The following ERP44 variants were observed in gnomAD, a reference collection of about 807,000 sequenced individuals.
ERP44 encodes endoplasmic reticulum protein 44.
A neutral mutation model predicts 53.4 loss-of-function variants in ERP44; 25 were observed. That is an observed-to-expected ratio of 0.47 (90% CI 0.34 to 0.65). The LOEUF is 0.65. ERP44 is among the 30% of genes least tolerant of loss of function. ERP44 has a pLI of 0.01. For missense variants in ERP44, 338 were observed against 493.2 expected, an observed-to-expected ratio of 0.69 and a Z score of 2.98; for synonymous variants, 145 against 161.2, an observed-to-expected ratio of 0.90 and a Z score of 0.76.
At chr9:100,023,290 C>T (rs1458944662) in intron 4 of ERP44, among the ~76,000 whole-genome samples, 1 of 150,834 alleles carries the variant, frequency 6.6e-6, no homozygotes, top group Non-Finnish European at 1.5e-5. Context: ...GAGAGTGGTA[C>T]CATAAACAAG....
Position 100,018,311 on chromosome 9 carries a change from T to G in ERP44, c.590A>C (p.Asp197Ala). The G allele has an allele frequency of 6.3e-7, 1 of 1,595,612 alleles. No homozygotes were observed. Among genetic ancestry groups the G allele is most frequent in the South Asian group, 1.1e-5 (1 of 90,716 alleles). Reference protein sequence around the residue: ...DDCAFLSAFGDVSKPERYSGD... With the variant: ...DDCAFLSAFGAVSKPERYSGD... ...ACTATATCTTTCCGGTTTTGAAACATCCCTATAGGAAGGGAGAAATAGTAA... is the reference window on the plus strand; with the variant it reads ...ACTATATCTTTCCGGTTTTGAAACAGCCCTATAGGAAGGGAGAAATAGTAA... Residue 197 changes from aspartate (D) to alanine (A), a missense_variant and splice_region_variant, in exon 7 of 12, where the codon GAT (aspartate) becomes GCT (alanine). This residue lies in a region of ERP44 where 224 missense variants were observed against 301.4 expected (regional missense o/e 0.74). Transcript: ENST00000262455.
rs184275455 is a variant in ERP44 at position 99,979,761 on chromosome 9, G to A, written c.*2851C>T. 3.1e-4 allele frequency: 120 copies of A among 389,956 alleles called. 2 individuals are homozygous for A. Among genetic ancestry groups the A allele is most frequent in the East Asian group, 1.2e-3 (33 of 27,618 alleles). The allele number at this position is 389,956 out of a possible 1,614,324, so 24.2% of individuals were successfully genotyped here. On this transcript the variant is annotated 3_prime_UTR_variant, in exon 12 of 12. Transcript: ENST00000262455. ...AGGCCCCGAGTAGATCAGATAAACC[G>A]GGGAAGACTTCTACCTGAAATGGTC...
intron 10 of ERP44, among the ~76,000 whole-genome samples, chr9:99,997,784 T>C (rs1273987640): frequency 6.6e-6 from 1 of 152,150 alleles, no homozygotes; most frequent in Non-Finnish European, 1.5e-5. Flanking sequence ...TATATATTCC[T>C]ACCAGGACTA....
At chr9:99,986,076 G>A (rs1311911388) in intron 10 of ERP44, among the ~76,000 whole-genome samples, 1 of 152,154 alleles carries the variant, frequency 6.6e-6, no homozygotes, top group African/African-American at 2.4e-5. Flanking sequence ...ACCATACTGA[G>A]CTAAACAAAT....
rs929413699 is a variant in ERP44 at position 99,998,690 on chromosome 9, T to C, written c.1016+7816A>G. ...GCTGCTGTGTGACCTTAATCCTTAC[T>C]TCTCTGCAATTTTCTTCGGTTTATC... On this transcript the variant is annotated intron_variant, in intron 10 of 11. Coordinates refer to ENST00000262455, the MANE Select transcript of ERP44 (RefSeq NM_015051.3). The C allele has an allele frequency of 2.0e-5, 15 of 735,586 alleles. No individual in the cohort carries two copies. In the African/African-American group the frequency reaches 2.3e-4, roughly 11 times the overall value. The allele number at this position is 735,586 out of a possible 1,614,324, so 45.6% of individuals were successfully genotyped here. A position where few individuals can be genotyped will look rare whatever the true frequency, so the allele number is the denominator to read the frequency against.
At chr9:100,019,313 G>T (rs906926973) in intron 6 of ERP44, among the ~76,000 whole-genome samples, 1 of 152,118 alleles carries the variant, frequency 6.6e-6, no homozygotes, top group South Asian at 2.1e-4. Flanking sequence ...GGAGGCAGAC[G>T]TGGGAGGATC....
intron 1 of ERP44, among the ~76,000 whole-genome samples, chr9:100,062,592 C>T (rs1826163825): frequency 6.6e-6 from 1 of 152,184 alleles, no homozygotes; most frequent in South Asian, 2.1e-4. Context: ...GGCACAAATG[C>T]ATACGGCATG....
chr9:100,089,334 A>G (rs146322238), intron 1 of ERP44, among the ~76,000 whole-genome samples: 49 of 152,308 alleles, frequency 3.2e-4, no homozygotes, highest in Non-Finnish European at 5.6e-4. Flanking sequence ...TAATCCCAGC[A>G]CTTTGGAGGG....
chr9:100,022,275 G>T, intron 4 of ERP44, 49 bp from the exon 5 acceptor site: 2 of 1,445,064 alleles, frequency 1.4e-6, no homozygotes, highest in Non-Finnish European at 1.9e-6. Context: ...GTCAGGGCAA[G>T]CCTGTTTGCC....
At chr9:99,997,993 T>C (rs1233570786) in intron 10 of ERP44, among the ~76,000 whole-genome samples, 1 of 152,082 alleles carries the variant, frequency 6.6e-6, no homozygotes, top group East Asian at 1.9e-4. Context: ...ACTGATCCAA[T>C]ACTAACTTTC....
chr9:100,048,289 T>C (rs189354157), intron 4 of ERP44, among the ~76,000 whole-genome samples: 9 of 152,206 alleles, frequency 5.9e-5, no homozygotes, highest in Admixed American at 5.2e-4. Context: ...AACCTGCACG[T>C]TGTGCACATG....
intron 1 of ERP44, among the ~76,000 whole-genome samples, chr9:100,095,030 GACAA>G (rs1318915306): frequency 2.0e-5 from 3 of 150,550 alleles, no homozygotes; most frequent in Non-Finnish European, 4.4e-5. Flanking sequence ...CAGTAAAAGA[GACAA>G]ACAAATTAGA....
chr9:100,088,105 A>C (rs897900713), intron 1 of ERP44, among the ~76,000 whole-genome samples: 2 of 152,200 alleles, frequency 1.3e-5, no homozygotes, highest in South Asian at 2.1e-4. Flanking sequence ...GGCTGAAGAG[A>C]TCAATAATAT....
chr9:100,028,110 A>G (rs1035607783), intron 4 of ERP44, among the ~76,000 whole-genome samples: 1 of 152,210 alleles, frequency 6.6e-6, no homozygotes, highest in Non-Finnish European at 1.5e-5. Context: ...AAGCTTCTCA[A>G]TTTCCAATAA....
intron 1 of ERP44, among the ~76,000 whole-genome samples, chr9:100,078,993 G>A (rs1826389911): frequency 6.6e-6 from 1 of 152,120 alleles, no homozygotes; most frequent in Non-Finnish European, 1.5e-5. Context: ...AGATATATAT[G>A]GGTTCAAGTT....
intron 4 of ERP44, among the ~76,000 whole-genome samples, chr9:100,046,593 C>A (rs1825972930): frequency 6.6e-6 from 1 of 152,008 alleles, no homozygotes; most frequent in Admixed American, 6.6e-5. Flanking sequence ...TGAAAAACCA[C>A]AAAGCATTGC....
chr9:100,006,448 T>C, intron 10 of ERP44, 58 bp downstream of exon 10: 1 of 1,261,502 alleles, frequency 7.9e-7, no homozygotes, highest in Non-Finnish European at 1.1e-6. Flanking sequence ...AACAACTATT[T>C]TCAGTTCATT....
At chr9:100,012,884 A>G (rs1409312455) in intron 8 of ERP44, among the ~76,000 whole-genome samples, 1 of 152,220 alleles carries the variant, frequency 6.6e-6, no homozygotes, top group Non-Finnish European at 1.5e-5. Context: ...AGACTGGCTA[A>G]GGACTTAAGG....
intron 1 of ERP44, among the ~76,000 whole-genome samples, chr9:100,087,612 T>TC (rs1261857582): frequency 1.3e-5 from 2 of 152,210 alleles, no homozygotes; most frequent in African/African-American, 4.8e-5. Flanking sequence ...TTTATCTCTA[T>TC]CTGATATGTG....
Sources: allele counts gnomAD v4.1 joint callset (sites outside exome capture counted in the v4.1 genomes callset), GRCh38; gene constraint gnomAD v4.1.1; regional missense constraint gnomAD v4.1.1; transcripts MANE v1.5; gene names NCBI Gene and HGNC (gene_info 2026-07-23, HGNC 2026-07-21).